The following PTCHD4 variants were observed in gnomAD, a reference collection of about 807,000 sequenced individuals.
PTCHD4 encodes the protein patched domain containing 4.
A neutral mutation model predicts 58.1 loss-of-function variants in PTCHD4; 33 were observed. That is an observed-to-expected ratio of 0.57 (90% CI 0.43 to 0.76). The LOEUF (loss-of-function observed/expected upper bound fraction) is 0.76, where lower values mean the gene tolerates loss of function less well. Among genes scored for constraint, PTCHD4 ranks in the 30% least tolerant of loss-of-function variants. PTCHD4 has a pLI of 0.00. For missense variants in PTCHD4, 1,058 were observed against 1,027.1 expected (o/e 1.03, Z -0.41); for synonymous variants, 478 against 409.6 (o/e 1.17, Z -2.02).
chr6:47,997,446 TA>T (rs1768538925), intron 4 of PTCHD4, among the ~76,000 whole-genome samples: 1 of 152,178 alleles, frequency 6.6e-6, no homozygotes, highest in South Asian at 2.1e-4. Context: ...TTTATATCAT[TA>T]AATAGAATAT....
In PTCHD4 at chr6:47,902,101, A is replaced by G. The variant is rs561063983; in HGVS notation, c.899-22165T>C. ...AACCTGTCTGATTCTGGGTGAATCA[A>G]CATCTTCATGTCCCTCTCACAATAC... is the stretch of plus-strand genomic sequence containing the variant. On this transcript the variant is annotated intron_variant, in intron 4 of 4. Transcript: ENST00000339488. Among the ~76,000 whole-genome samples, 3 of 152,356 alleles carry G rather than the reference A, an allele frequency of 2.0e-5. No individual in the cohort carries two copies. In the South Asian group the frequency reaches 6.2e-4, roughly 32 times the overall value.
At position 48,069,586 on chromosome 6, in the gene PTCHD4, TG is replaced by T. The variant is rs1378793872; in HGVS notation, c.-630del. 1.3e-5 allele frequency among the ~76,000 whole-genome samples: 2 copies of T among 152,204 alleles called. No individual in the cohort carries two copies. The highest frequency in any genetic ancestry group is 2.9e-5 in the Non-Finnish European group (2 of 68,030). On this transcript the variant is annotated 5_prime_UTR_variant, in exon 2 of 5. It introduces an in-frame stop codon into an upstream open reading frame of the 5' UTR. Transcript: ENST00000339488. Reference sequence around the variant, plus strand: ...GGGCTGCGGAGACTCCATCTATCCCTGGTGCGTTGGGACCGTCTGGATAGCT... The same window carrying T: ...GGGCTGCGGAGACTCCATCTATCCCTGTGCGTTGGGACCGTCTGGATAGCT...
At chr6:47,986,479 C>A (rs574165124) in intron 4 of PTCHD4, among the ~76,000 whole-genome samples, 2 of 152,244 alleles carry the variant, frequency 1.3e-5, no homozygotes, top group Admixed American at 6.5e-5. Context: ...TATATATTCT[C>A]CAGCGTACAA....
intron 4 of PTCHD4, among the ~76,000 whole-genome samples, chr6:47,976,550 T>G (rs1174734515): frequency 3.3e-5 from 5 of 151,502 alleles, no homozygotes; most frequent in African/African-American, 4.8e-5. Context: ...GTTACTTGGG[T>G]GGCTGAGGCA....
chr6:47,915,200 T>A (rs10807385), intron 4 of PTCHD4, among the ~76,000 whole-genome samples: 86,328 of 151,972 alleles, frequency 0.57, 25,781 homozygotes, highest in East Asian at 0.78. Context: ...AAAATGCATG[T>A]CAATATGGAT....
At chr6:47,911,001 C>T (rs1765050823) in intron 4 of PTCHD4, among the ~76,000 whole-genome samples, 1 of 152,094 alleles carries the variant, frequency 6.6e-6, no homozygotes, top group Admixed American at 6.6e-5. Flanking sequence ...AAATATTCAA[C>T]ATCATCAACA....
rs1404701999 is a variant in PTCHD4 at position 47,861,214 on chromosome 6, ATG to A, written c.*17087_*17088del. 6.6e-6 allele frequency among the ~76,000 whole-genome samples: 1 copy of A among 151,722 alleles called. No individual in the cohort carries two copies. Among genetic ancestry groups the A allele is most frequent in the African/African-American group, 2.4e-5 (1 of 41,352 alleles). Reference sequence around the variant, plus strand: ...TTTTCTTTAGGCCATCCTTCTAAATATGTCTTAGTCATTGCTGTGCTAAATAG... The same window carrying A: ...TTTTCTTTAGGCCATCCTTCTAAATATCTTAGTCATTGCTGTGCTAAATAG... On this transcript the variant is annotated 3_prime_UTR_variant, in exon 5 of 5. Transcript: ENST00000339488.
rs992464574 is a variant in PTCHD4 at position 47,863,206 on chromosome 6, A to G, written c.*15097T>C. On this transcript the variant is annotated 3_prime_UTR_variant, in exon 5 of 5. Coordinates refer to ENST00000339488, the MANE Select transcript of PTCHD4 (RefSeq NM_001384253.1). The stretch of plus-strand genomic sequence containing the variant: ...ATTTTGTTGAGCCTGAAGTGTATAC[A>G]TTTTTGGAGTCCCCTTTTAAGGAAA... Among the ~76,000 whole-genome samples the G allele has an allele frequency of 6.6e-6, 1 of 151,900 alleles. No individual in the cohort carries two copies. Among genetic ancestry groups the G allele is most frequent in the Non-Finnish European group, 1.5e-5 (1 of 67,886 alleles).
chr6:47,982,730 G>T (rs143368860), intron 4 of PTCHD4, among the ~76,000 whole-genome samples: 1 of 151,960 alleles, frequency 6.6e-6, no homozygotes, highest in African/African-American at 2.4e-5. Context: ...CTCGTGATCC[G>T]CCCGTCTCGG....
intron 4 of PTCHD4, among the ~76,000 whole-genome samples, chr6:47,985,474 T>C (rs1768030330): frequency 6.6e-6 from 1 of 152,104 alleles, no homozygotes. Flanking sequence ...AGACTTAAAA[T>C]ATTTTTAACA....
chr6:48,026,135 T>C (rs1194793511), intron 3 of PTCHD4, among the ~76,000 whole-genome samples: 1 of 152,160 alleles, frequency 6.6e-6, no homozygotes, highest in African/African-American at 2.4e-5. Context: ...TTAGAAGTTC[T>C]TTCTGGTAGC....
intron 3 of PTCHD4, among the ~76,000 whole-genome samples, chr6:48,049,277 A>C (rs531579849): frequency 6.6e-6 from 1 of 151,956 alleles, no homozygotes; most frequent in South Asian, 2.1e-4. Flanking sequence ...ACAACAAAGA[A>C]TCATCTGGCC....
intron 4 of PTCHD4, among the ~76,000 whole-genome samples, chr6:48,001,577 T>A (rs978986949): frequency 7.9e-5 from 12 of 152,270 alleles, no homozygotes; most frequent in African/African-American, 2.6e-4. Context: ...TGAAAGTGGA[T>A]CCCTTCCTTA....
intron 4 of PTCHD4, among the ~76,000 whole-genome samples, chr6:47,892,316 A>T (rs1472641669): frequency 6.6e-6 from 1 of 152,220 alleles, no homozygotes. Context: ...TAAATACAAG[A>T]ACTTGCAGAA....
intron 1 of PTCHD4, among the ~76,000 whole-genome samples, chr6:48,080,230 T>C (rs1765139027): frequency 6.6e-6 from 1 of 152,144 alleles, no homozygotes; most frequent in Non-Finnish European, 1.5e-5. Flanking sequence ...TACTATGACC[T>C]TGGCAAATAT....
At chr6:47,943,018 A>G (rs1766291924) in intron 4 of PTCHD4, among the ~76,000 whole-genome samples, 1 of 152,192 alleles carries the variant, frequency 6.6e-6, no homozygotes, top group African/African-American at 2.4e-5. Flanking sequence ...CAGTTTCATG[A>G]GAAACTTGTT....
chr6:47,976,648 C>A (rs1581962040), intron 4 of PTCHD4, among the ~76,000 whole-genome samples: 2 of 127,214 alleles, frequency 1.6e-5, no homozygotes, highest in African/African-American at 6.0e-5. Flanking sequence ...GAGCGGGACT[C>A]CATATCAAAA....
Position 47,865,401 on chromosome 6 carries a change from A to G in PTCHD4, c.*12902T>C, listed in dbSNP as rs1282913829. Reference sequence around the variant, plus strand: ...GAAAATTTGTGGTAAAGCTTTACAAATGTTATAAAAATGGGCCACGCTGCA... The same window carrying G: ...GAAAATTTGTGGTAAAGCTTTACAAGTGTTATAAAAATGGGCCACGCTGCA... On this transcript the variant is annotated 3_prime_UTR_variant, in exon 5 of 5. Transcript: ENST00000339488. Among the ~76,000 whole-genome samples, 1 of 151,914 alleles carries G rather than the reference A, an allele frequency of 6.6e-6. No individual in the cohort carries two copies. The highest frequency in any genetic ancestry group is 2.4e-5 in the African/African-American group (1 of 41,418).
At chr6:47,986,534 C>G (rs1768071305) in intron 4 of PTCHD4, among the ~76,000 whole-genome samples, 1 of 152,110 alleles carries the variant, frequency 6.6e-6, no homozygotes, top group African/African-American at 2.4e-5. Context: ...GGTAGCCTGC[C>G]TCCTGAGGTA....
Sources: allele counts gnomAD v4.1 joint callset (sites outside exome capture counted in the v4.1 genomes callset), GRCh38; gene constraint gnomAD v4.1.1; transcripts MANE v1.5; gene names NCBI Gene and HGNC (gene_info 2026-07-23, HGNC 2026-07-21).